Variants in TENM3 observed in about 807,000 individuals in gnomAD.
TENM3 encodes the protein teneurin-3.
Under a neutral mutation model 255.1 loss-of-function variants are expected in TENM3, and 63 were observed. That is an observed-to-expected ratio of 0.25 (90% CI 0.20 to 0.30). The LOEUF (loss-of-function observed/expected upper bound fraction) is 0.30. Ranked by LOEUF, TENM3 falls within the 10% of genes least tolerant of loss-of-function variation. The probability of loss-of-function intolerance (pLI) is 1.00; values close to 1 mark genes in which losing one functional copy is unlikely to be tolerated. For synonymous variants in TENM3, 1,306 were observed against 1,322.3 expected, an observed-to-expected ratio of 0.99 and a Z score of 0.27; for missense variants, 2,929 against 3,461.1, an observed-to-expected ratio of 0.85 and a Z score of 3.86.
chr4:182,602,665 GA>G (rs1214855768), intron 4 of TENM3, among the ~76,000 whole-genome samples: 1 of 152,074 alleles, frequency 6.6e-6, no homozygotes, highest in Non-Finnish European at 1.5e-5. Flanking sequence ...GAAAGAACAG[GA>G]AAAATAGGCA....
At chr4:181,722,304 C>T in the TENM3 span, among the ~76,000 whole-genome samples, 2 of 152,178 alleles carry the variant, frequency 1.3e-5, no homozygotes, top group African/African-American at 4.8e-5. Flanking sequence ...TCAATAAATA[C>T]TGGCTGGGTG....
At chr4:181,769,115 G>A in the TENM3 span, among the ~76,000 whole-genome samples, 1 of 152,206 alleles carries the variant, frequency 6.6e-6, no homozygotes, top group East Asian at 1.9e-4. Context: ...GGGTAGCCAC[G>A]ATTTTAAGGG....
chr4:182,335,263 CTGAGG>C (rs1764034106), intron 2 of TENM3, among the ~76,000 whole-genome samples: 2 of 145,362 alleles, frequency 1.4e-5, no homozygotes, highest in South Asian at 2.2e-4. Flanking sequence ...CTTTGGGAGG[CTGAGG>C]CGGGCGGATC....
intron 1 of TENM3, among the ~76,000 whole-genome samples, chr4:182,177,996 T>C (rs1239121287): frequency 6.7e-6 from 1 of 150,126 alleles, no homozygotes; most frequent in Non-Finnish European, 1.5e-5. Flanking sequence ...TTAGCTCCTG[T>C]TAAAGCACTC....
intron 1 of TENM3, among the ~76,000 whole-genome samples, chr4:182,167,588 G>A (rs1013973222): frequency 6.6e-6 from 1 of 152,130 alleles, no homozygotes; most frequent in Non-Finnish European, 1.5e-5. Flanking sequence ...AAATTTTCTT[G>A]TAGGCCTGGT....
the TENM3 span, among the ~76,000 whole-genome samples, chr4:181,776,750 C>T: frequency 6.6e-6 from 1 of 151,946 alleles, no homozygotes; most frequent in Non-Finnish European, 1.5e-5. Flanking sequence ...AAGTCCCTTG[C>T]CCACTTTTTA....
chr4:182,286,888 A>G (rs77961131), intron 1 of TENM3, among the ~76,000 whole-genome samples: 4,239 of 152,198 alleles, frequency 0.028, 198 homozygotes, highest in African/African-American at 0.096. Context: ...ATCAGATTAC[A>G]CAACAGTCCA....
At chr4:182,619,809 A>C (rs886214900) in intron 4 of TENM3, among the ~76,000 whole-genome samples, 24 of 152,288 alleles carry the variant, frequency 1.6e-4, no homozygotes, top group African/African-American at 5.1e-4. Flanking sequence ...TCATCACCAG[A>C]GTGAAAACAG....
At chr4:181,512,956 T>G in the TENM3 span, among the ~76,000 whole-genome samples, 1 of 152,180 alleles carries the variant, frequency 6.6e-6, no homozygotes, top group Non-Finnish European at 1.5e-5. Context: ...GAGACTATAA[T>G]TGTTTTTTTA....
chr4:182,554,178 T>G (rs1742355817), intron 3 of TENM3, among the ~76,000 whole-genome samples: 1 of 152,202 alleles, frequency 6.6e-6, no homozygotes, highest in Non-Finnish European at 1.5e-5. Context: ...CCAGCTGAGT[T>G]TTATCTCTTC....
rs957977132 is a variant in TENM3 at position 182,744,093 on chromosome 4, C to CTTTTT, written c.3629+693_3629+697dup. The CTTTTT allele has an allele frequency of 8.8e-3, 3,928 of 447,318 alleles. 5 individuals carry two copies. Among genetic ancestry groups the CTTTTT allele is most frequent in the Non-Finnish European group, 9.8e-3 (3,627 of 371,312 alleles). 27.7% of individuals were successfully genotyped at this position (447,318 alleles called of 1,614,324 possible). On this transcript the variant is annotated intron_variant, in intron 19 of 27. Coordinates refer to ENST00000511685, the MANE Select transcript of TENM3 (RefSeq NM_001080477.4). Reference sequence around the variant, plus strand: ...TAGAAGGCTTTTCTAACTGTGCTTTCTTTTTTTTTTTTTTTTTTTTTTTAC... The same window carrying CTTTTT: ...TAGAAGGCTTTTCTAACTGTGCTTTCTTTTTTTTTTTTTTTTTTTTTTTTTTTTAC...
intron 3 of TENM3, among the ~76,000 whole-genome samples, chr4:182,463,127 C>CA (rs1732216474): frequency 6.6e-6 from 1 of 151,988 alleles, no homozygotes; most frequent in Non-Finnish European, 1.5e-5. Context: ...TGGTTCAAGC[C>CA]TGTGTTGTTC....
chr4:182,312,988 T>C (rs559339446), intron 1 of TENM3, among the ~76,000 whole-genome samples: 1 of 152,334 alleles, frequency 6.6e-6, no homozygotes, highest in South Asian at 2.1e-4. Flanking sequence ...CTTTCCATAA[T>C]TTTTATCAGG....
chr4:182,263,435 A>G (rs1712972732), intron 1 of TENM3, among the ~76,000 whole-genome samples: 1 of 152,100 alleles, frequency 6.6e-6, no homozygotes, highest in Admixed American at 6.5e-5. Context: ...TCAGGGGGTT[A>G]GAGGCCCCTC....
chr4:181,636,225 A>G, the TENM3 span, among the ~76,000 whole-genome samples: 1 of 151,930 alleles, frequency 6.6e-6, no homozygotes, highest in African/African-American at 2.4e-5. Flanking sequence ...TTGTATTTTT[A>G]GTAGAGACAG....
At chr4:182,719,451 G>A (rs1484853888) in intron 13 of TENM3, among the ~76,000 whole-genome samples, 2 of 151,452 alleles carry the variant, frequency 1.3e-5, no homozygotes, top group African/African-American at 2.4e-5. Flanking sequence ...TAGTAGAGAC[G>A]GGGTTCACCA....
At chr4:181,630,657 G>A in the TENM3 span, among the ~76,000 whole-genome samples, 1 of 152,194 alleles carries the variant, frequency 6.6e-6, no homozygotes, top group Admixed American at 6.5e-5. Context: ...TTTTGAGTGA[G>A]TTTCTTAATC....
chr4:181,780,784 G>T, the TENM3 span, among the ~76,000 whole-genome samples: 3 of 151,790 alleles, frequency 2.0e-5, no homozygotes, highest in Admixed American at 6.6e-5. Flanking sequence ...AAGTCTTTTT[G>T]AATTAATTTC....
intron 1 of TENM3, among the ~76,000 whole-genome samples, chr4:182,250,054 CTT>C (rs957483629): frequency 2.1e-4 from 27 of 128,416 alleles, no homozygotes; most frequent in South Asian, 4.9e-4. Context: ...TTTCTTTTTT[CTT>C]TTTTTTTTTT....
Sources: allele counts gnomAD v4.1 joint callset (sites outside exome capture counted in the v4.1 genomes callset), GRCh38; gene constraint gnomAD v4.1.1; transcripts MANE v1.5; gene names NCBI Gene and HGNC (gene_info 2026-07-23, HGNC 2026-07-21).